The following WDFY3 variants were observed in gnomAD, a reference collection of about 807,000 sequenced individuals.
WDFY3 encodes WD repeat and FYVE domain-containing protein 3.
Under a neutral mutation model 409.6 loss-of-function variants are expected in WDFY3, and 66 were observed. The observed-to-expected ratio is 0.16, with a 90% CI of 0.13 to 0.20. The LOEUF (loss-of-function observed/expected upper bound fraction) is 0.20. WDFY3 is among the 10% of genes least tolerant of loss of function. WDFY3 has a pLI of 1.00. For synonymous variants in WDFY3, 1,521 were observed against 1,537.1 expected (o/e 0.99, Z 0.25); for missense variants, 3,031 against 4,298.1 (o/e 0.71, Z 8.24).
intron 49 of WDFY3, among the ~76,000 whole-genome samples, chr4:84,716,484 G>A (rs1042378811): frequency 6.8e-6 from 1 of 147,158 alleles, no homozygotes; most frequent in Non-Finnish European, 1.5e-5. Context: ...GGTTTCCATG[G>A]CATGTATCAA....
intron 4 of WDFY3, among the ~76,000 whole-genome samples, chr4:84,859,744 TTTTTA>T (rs1274234195): frequency 6.6e-6 from 1 of 151,652 alleles, no homozygotes; most frequent in Non-Finnish European, 1.5e-5. Context: ...CCTGGCTGAT[TTTTTA>T]TTTTTAGTAG....
In WDFY3 at chr4:84,815,135, G is replaced by C. The variant is rs147605105; in HGVS notation, c.1887+2257C>G. On this transcript the variant is annotated intron_variant, in intron 13 of 67. Coordinates refer to ENST00000295888, the MANE Select transcript of WDFY3 (RefSeq NM_014991.6). ...ATCTACAGGTGAGAGTACTAGTAGA[G>C]GAAGTGAAAGGAGATGGAGATCGGG... Among the ~76,000 whole-genome samples, 802 of 152,270 alleles carry C rather than the reference G, an allele frequency of 5.3e-3. 10 individuals carry two copies. The highest frequency in any genetic ancestry group is 0.018 in the African/African-American group (753 of 41,560).
chr4:84,842,097 A>T (rs541352893), intron 5 of WDFY3, among the ~76,000 whole-genome samples: 20 of 152,244 alleles, frequency 1.3e-4, no homozygotes, highest in African/African-American at 4.6e-4. Flanking sequence ...GTAAATGGAG[A>T]AGTCTCTAAA....
At chr4:84,719,043 A>C (rs1023164626) in intron 47 of WDFY3, among the ~76,000 whole-genome samples, 1 of 152,220 alleles carries the variant, frequency 6.6e-6, no homozygotes, top group Non-Finnish European at 1.5e-5. Flanking sequence ...AGACTGGGTC[A>C]AGTTTCTTAA....
intron 3 of WDFY3, among the ~76,000 whole-genome samples, chr4:84,889,944 G>A (rs1038562414): frequency 6.6e-6 from 1 of 152,092 alleles, no homozygotes; most frequent in Admixed American, 6.6e-5. Context: ...TAAATATGGT[G>A]GGGATTGCAG....
In WDFY3 at chr4:84,715,253, A is replaced by G. The variant is rs777349797; in HGVS notation, c.7961+45T>C. On this transcript the variant is annotated intron_variant, in intron 50 of 67. Transcript: ENST00000295888. ...AAACTGAGAAAAGATTCCCCCTCCC[A>G]TATCTTCCCATAATAGTATACAAAG... 4 of 1,116,088 alleles carry G rather than the reference A, an allele frequency of 3.6e-6. No individual in the cohort carries two copies. The Admixed American group carries it at 8.6e-5, about 24-fold the overall frequency. The allele number at this position is 1,116,088 out of a possible 1,614,324, so 69.1% of individuals were successfully genotyped here. A position where few individuals can be genotyped will look rare whatever the true frequency, so the allele number is the denominator to read the frequency against.
In WDFY3 at chr4:84,779,640, G is replaced by A. The variant is rs547195020; in HGVS notation, c.4365+468C>T. On this transcript the variant is annotated intron_variant, in intron 26 of 67. Coordinates refer to ENST00000295888, the MANE Select transcript of WDFY3 (RefSeq NM_014991.6). ...ACACTTATTATGTAGTGGCTTTCAC[G>A]TCTCCTGAGTAAGTAACAGAGATAA... is the stretch of plus-strand genomic sequence containing the variant. Among the ~76,000 whole-genome samples, 85 of 152,140 alleles carry A rather than the reference G, an allele frequency of 5.6e-4. 1 individual carries two copies. The highest frequency in any genetic ancestry group is 3.4e-3 in the Middle Eastern group (1 of 294).
At chr4:84,850,963 T>TTTTTTTTTTTA (rs1758916428) in intron 4 of WDFY3, among the ~76,000 whole-genome samples, 1 of 107,194 alleles carries the variant, frequency 9.3e-6, no homozygotes, top group Non-Finnish European at 2.0e-5. Flanking sequence ...TTTTTTTTTT[T>TTTTTTTTTTTA]TTTTTTGAGA....
intron 36 of WDFY3, among the ~76,000 whole-genome samples, chr4:84,744,473 A>G (rs1739003023): frequency 6.6e-6 from 1 of 152,166 alleles, no homozygotes; most frequent in South Asian, 2.1e-4. Flanking sequence ...AAGTGCCTAC[A>G]GTCCCAGCCA....
intron 3 of WDFY3, among the ~76,000 whole-genome samples, chr4:84,885,375 A>G (rs531568512): frequency 1.8e-4 from 27 of 150,982 alleles, no homozygotes; most frequent in Middle Eastern, 3.4e-3. Context: ...TGTAAAATGA[A>G]TCACGTAAGA....
chr4:84,863,712 T>C (rs1018243405), intron 3 of WDFY3, among the ~76,000 whole-genome samples: 1 of 152,206 alleles, frequency 6.6e-6, no homozygotes, highest in African/African-American at 2.4e-5. Context: ...TTTGAGTTAG[T>C]TGTTGTATAT....
At chr4:84,829,219 G>T in intron 8 of WDFY3, 29 bp from the exon 9 acceptor site, 25 of 1,478,014 alleles carry the variant, frequency 1.7e-5, no homozygotes, top group Non-Finnish European at 2.2e-5. Flanking sequence ...AAATAAATAT[G>T]CATTATTCCT....
At chr4:84,762,252 G>A (rs1222782026) in intron 32 of WDFY3, among the ~76,000 whole-genome samples, 6 of 151,674 alleles carry the variant, frequency 4.0e-5, no homozygotes. Context: ...AGAAAATGTG[G>A]CACATATACA....
rs1245161873 is a variant in WDFY3 at position 84,751,821 on chromosome 4, T to C, written c.5740-105A>G. 8 of 1,218,908 alleles carry C rather than the reference T, an allele frequency of 6.6e-6. No individual in the cohort carries two copies. In the Admixed American group the frequency reaches 1.5e-4, roughly 23 times the overall value. The allele number at this position is 1,218,908 out of a possible 1,614,324, so 75.5% of individuals were successfully genotyped here. A position where few individuals can be genotyped will look rare whatever the true frequency, so the allele number is the denominator to read the frequency against. ...TGGAGCAGCAGCATTTTCCACCTATTAAGCTATTCAGCACATTATTTCACT... is the reference window on the plus strand; with the variant it reads ...TGGAGCAGCAGCATTTTCCACCTATCAAGCTATTCAGCACATTATTTCACT... On this transcript the variant is annotated intron_variant, in intron 35 of 67. Coordinates refer to ENST00000295888, the MANE Select transcript of WDFY3 (RefSeq NM_014991.6).
chr4:84,692,204 C>T (rs1197276111), intron 59 of WDFY3, among the ~76,000 whole-genome samples: 2 of 152,204 alleles, frequency 1.3e-5, no homozygotes, highest in South Asian at 2.1e-4. Context: ...CCCAGAGGAA[C>T]GGACTCCTTG....
chr4:84,776,391 A>G (rs1000504583), intron 27 of WDFY3, among the ~76,000 whole-genome samples: 14 of 152,108 alleles, frequency 9.2e-5, no homozygotes, highest in African/African-American at 3.1e-4. Context: ...TAGGGATGCT[A>G]TAAGAAGCCA....
chr4:84,698,639 G>A (rs1450158912), intron 56 of WDFY3, among the ~76,000 whole-genome samples: 1 of 151,918 alleles, frequency 6.6e-6, no homozygotes, highest in Non-Finnish European at 1.5e-5. Context: ...AGACCCCAGG[G>A]TGAATATTAC....
chr4:84,715,901 T>C (rs1370200238), intron 49 of WDFY3, among the ~76,000 whole-genome samples: 2 of 151,472 alleles, frequency 1.3e-5, no homozygotes, highest in Non-Finnish European at 2.9e-5. Flanking sequence ...CTAAAGTCTT[T>C]AGTAACAGAA....
rs768856270 is a variant in WDFY3 at position 84,755,334 on chromosome 4, AAG to A, written c.5489_5490del (p.Ser1830PhefsTer4). ...GCTTCTGTGCATACGTTATGGATAG[AAG>A]AGACCACAGTTCCGCTGGAGGCAGG... is the stretch of plus-strand genomic sequence containing the variant. ...GVPASSGTVV[S>X]SIHNVCTEAV... On this transcript the variant is annotated frameshift_variant, in exon 34 of 68. Transcript: ENST00000295888. LOFTEE classifies it high-confidence loss of function. 6.2e-7 allele frequency: 1 copy of A among 1,612,722 alleles called. No individual in the cohort carries two copies. Among genetic ancestry groups the A allele is most frequent in the African/African-American group, 1.3e-5 (1 of 74,752 alleles).
Sources: allele counts gnomAD v4.1 joint callset (sites outside exome capture counted in the v4.1 genomes callset), GRCh38; gene constraint gnomAD v4.1.1; transcripts MANE v1.5; gene names NCBI Gene and HGNC (gene_info 2026-07-23, HGNC 2026-07-21).